Variants in GPR176 observed in about 807,000 individuals in gnomAD.
GPR176 encodes G-protein coupled receptor 176.
GPR176 carries 26 observed loss-of-function variants against 35.4 expected under a neutral mutation model. The observed-to-expected ratio is 0.74, with a 90% CI of 0.54 to 1.02. GPR176 has a LOEUF of 1.02. Ranked by LOEUF, GPR176 falls within the 50% of genes least tolerant of loss-of-function variation. The probability of loss-of-function intolerance (pLI) is 0.00; values close to 1 mark genes in which losing one functional copy is unlikely to be tolerated. For synonymous variants in GPR176, 278 were observed against 271.3 expected (o/e 1.02, Z -0.24); for missense variants, 597 against 665.3 (o/e 0.90, Z 1.13).
chr15:39,806,836 C>A (rs1899220898), intron 2 of GPR176, among the ~76,000 whole-genome samples, 170 bp downstream of exon 2: 1 of 152,178 alleles, frequency 6.6e-6, no homozygotes, highest in African/African-American at 2.4e-5. Flanking sequence ...GTTGCTAAAT[C>A]CACCTGTCCT....
chr15:39,914,967 A>G (rs1057197272), intron 1 of GPR176, among the ~76,000 whole-genome samples: 91 of 152,332 alleles, frequency 6.0e-4, no homozygotes, highest in African/African-American at 2.1e-3. Flanking sequence ...ACTAGTGTCT[A>G]TCCAACAGAT....
chr15:39,844,173 TCAC>T (rs1455112955), intron 1 of GPR176, among the ~76,000 whole-genome samples: 1 of 152,116 alleles, frequency 6.6e-6, no homozygotes, highest in East Asian at 1.9e-4. Flanking sequence ...CCTCCGGACA[TCAC>T]CACAAGAACA....
At chr15:39,809,970 C>A (rs577644787) in intron 1 of GPR176, among the ~76,000 whole-genome samples, 8 of 152,084 alleles carry the variant, frequency 5.3e-5, no homozygotes, top group African/African-American at 1.9e-4. Flanking sequence ...ATGGTGAAAC[C>A]CCGTCTCTAC....
intron 1 of GPR176, among the ~76,000 whole-genome samples, chr15:39,919,543 G>T (rs886399672): frequency 1.3e-5 from 2 of 152,140 alleles, no homozygotes; most frequent in Admixed American, 1.3e-4. Context: ...TTGTAAACAA[G>T]AGCTGAAGCC....
chr15:39,822,232 G>A (rs192230172), intron 1 of GPR176, among the ~76,000 whole-genome samples: 1 of 152,196 alleles, frequency 6.6e-6, no homozygotes, highest in African/African-American at 2.4e-5. Flanking sequence ...CAGCTAAGCT[G>A]TTCCTAAATT....
intron 1 of GPR176, among the ~76,000 whole-genome samples, chr15:39,884,287 T>C (rs2032588690): frequency 6.6e-6 from 1 of 152,234 alleles, no homozygotes; most frequent in Admixed American, 6.5e-5. Flanking sequence ...AGTTTCTGCA[T>C]ATTGTAATTT....
rs182513389 is a variant in GPR176 at position 39,846,238 on chromosome 15, A to G, written c.173-38980T>C. Among the ~76,000 whole-genome samples the G allele has an allele frequency of 1.7e-3, 264 of 152,342 alleles. 1 individual carries two copies. The highest frequency in any genetic ancestry group is 2.4e-3 in the Non-Finnish European group (162 of 68,008). ...CACCTTTGCAAAGATTATGACAGCA[A>G]GAGAAGTCTAGCATGACTGACTCGA... On this transcript the variant is annotated intron_variant, in intron 1 of 2. Transcript: ENST00000561100.
At chr15:39,889,867 C>T (rs1281208642) in intron 1 of GPR176, among the ~76,000 whole-genome samples, 1 of 152,142 alleles carries the variant, frequency 6.6e-6, no homozygotes, top group Non-Finnish European at 1.5e-5. Flanking sequence ...AAAAGCTAGT[C>T]TCAGCATCTC....
At chr15:39,894,842 T>C (rs1398513880) in intron 1 of GPR176, among the ~76,000 whole-genome samples, 3 of 152,258 alleles carry the variant, frequency 2.0e-5, no homozygotes, top group Non-Finnish European at 4.4e-5. Context: ...GGCTGCAATC[T>C]TTCTGCAATC....
chr15:39,878,096 C>CTG (rs58251937), intron 1 of GPR176, among the ~76,000 whole-genome samples: 3,440 of 130,012 alleles, frequency 0.026, 76 homozygotes, highest in East Asian at 0.14. Flanking sequence ...CCATAGTTAC[C>CTG]TGTGTGTGTG....
chr15:39,896,085 C>T (rs1013805382), intron 1 of GPR176, among the ~76,000 whole-genome samples: 2 of 152,122 alleles, frequency 1.3e-5, no homozygotes, highest in African/African-American at 4.8e-5. Context: ...GACAAGATCT[C>T]GCTTTGTTGT....
At chr15:39,881,098 A>G (rs1595503217) in intron 1 of GPR176, among the ~76,000 whole-genome samples, 1 of 151,920 alleles carries the variant, frequency 6.6e-6, no homozygotes, top group Non-Finnish European at 1.5e-5. Context: ...TTTTCACCTT[A>G]TAATTTATGC....
intron 1 of GPR176, among the ~76,000 whole-genome samples, chr15:39,852,789 TG>T (rs1282261859): frequency 1.3e-5 from 2 of 152,230 alleles, no homozygotes; most frequent in African/African-American, 4.8e-5. Context: ...ACACAGTTTG[TG>T]TGTCTTACTT....
chr15:39,832,162 A>G (rs1219430174), intron 1 of GPR176, among the ~76,000 whole-genome samples: 1 of 152,190 alleles, frequency 6.6e-6, no homozygotes, highest in Non-Finnish European at 1.5e-5. Flanking sequence ...CAAAACCACA[A>G]TGATAAACCA....
intron 1 of GPR176, among the ~76,000 whole-genome samples, chr15:39,908,407 CT>C (rs771657639): frequency 1.1e-4 from 17 of 152,166 alleles, no homozygotes; most frequent in Non-Finnish European, 2.4e-4. Context: ...CACTAACCCC[CT>C]GAACTTGTTC....
rs1422854920 is a variant in GPR176, at chr15:39,801,954, T to C, written c.726A>G (p.Ile242Met). The change falls in exon 3 of 3, where the codon ATA becomes ATG. Residue 242 changes from isoleucine (I) to methionine (M), a missense_variant. By Grantham distance (10) the Ile-to-Met change is conservative. Around this residue, in one of 3 missense-constraint regions of GPR176, gnomAD observed 220 missense variants for 297.6 expected, o/e 0.74. Transcript: ENST00000561100. ...LSASQKKKVIIAALRTPQNTI... is the reference protein window; with the variant it reads ...LSASQKKKVIMAALRTPQNTI... The stretch of plus-strand genomic sequence containing the variant: ...TGTTCTGTGGGGTCCGGAGCGCTGC[T>C]ATGATGACCTTCTTCTTCTGGCTGG... 6.2e-7 allele frequency: 1 copy of C among 1,614,096 alleles called. No homozygotes were observed. The highest frequency in any genetic ancestry group is 8.5e-7 in the Non-Finnish European group (1 of 1,179,992).
chr15:39,827,790 CA>C (rs1174394170), intron 1 of GPR176, among the ~76,000 whole-genome samples: 2 of 152,216 alleles, frequency 1.3e-5, no homozygotes, highest in Admixed American at 6.5e-5. Context: ...GTACCTTGCA[CA>C]ATCCTACTTT....
chr15:39,864,846 AT>A (rs1416683594), intron 1 of GPR176, among the ~76,000 whole-genome samples: 1 of 151,990 alleles, frequency 6.6e-6, no homozygotes, highest in East Asian at 1.9e-4. Flanking sequence ...CAACAAAAAA[AT>A]CCCAATAATC....
In GPR176 at chr15:39,801,264, C is replaced by A. The variant is rs1371723924; in HGVS notation, c.1416G>T (p.Lys472Asn). The change falls in exon 3 of 3, where the codon AAG becomes AAT. Residue 472 changes from lysine to asparagine, a missense_variant. By Grantham distance (94) the Lys-to-Asn change is moderately conservative. Coordinates refer to ENST00000561100, the MANE Select transcript of GPR176 (RefSeq NM_007223.3). ...PQWLSETRNS[K>N]KRLLPPLGNT... ...TGCCCAAGGGGGGAAGCAGCCGCTT[C>A]TTGCTGTTTCGGGTCTCTGAGAGCC... 1 of 1,614,058 alleles carries A rather than the reference C, an allele frequency of 6.2e-7. No individual in the cohort carries two copies. The highest frequency in any genetic ancestry group is 1.3e-5 in the African/African-American group (1 of 74,936).
Sources: gnomAD v4.1 joint callset for allele counts (sites outside exome capture counted in the v4.1 genomes callset) on GRCh38, gnomAD v4.1.1 for gene constraint, gnomAD v4.1.1 regional missense constraint, MANE v1.5 for transcripts, NCBI Gene and HGNC (gene_info 2026-07-23, HGNC 2026-07-21) for gene names.